Variants in SCAPER observed in about 807,000 individuals in gnomAD.
The protein encoded by SCAPER is S phase cyclin A-associated protein in the endoplasmic reticulum.
SCAPER carries 98 observed loss-of-function variants against 182.2 expected under a neutral mutation model. The ratio of observed to expected loss-of-function variants is 0.54; its 90% CI spans 0.46 to 0.64. SCAPER has a LOEUF of 0.64. SCAPER is among the 30% of genes least tolerant of loss of function. The probability of loss-of-function intolerance (pLI) is 0.00; values close to 1 mark genes in which losing one functional copy is unlikely to be tolerated. For missense variants in SCAPER, 1,432 were observed against 1,690.0 expected, an observed-to-expected ratio of 0.85 and a Z score of 2.68; for synonymous variants, 605 against 564.6, an observed-to-expected ratio of 1.07 and a Z score of -1.01.
chr15:76,735,464 G>A (rs779917397), intron 15 of SCAPER, among the ~76,000 whole-genome samples: 6 of 151,970 alleles, frequency 3.9e-5, no homozygotes, highest in African/African-American at 9.7e-5. Context: ...TTGGGAGGCC[G>A]AGACAGGCAG....
Position 76,354,299 on chromosome 15 carries a change from A to G in SCAPER, c.3856-159T>C, listed in dbSNP as rs2040809358. Reference sequence around the variant, plus strand: ...AGAGCTTAATTTAAGTGATACTTGAAAAGAGCAGAAAAAAAAAATCTCATT... The same window carrying G: ...AGAGCTTAATTTAAGTGATACTTGAGAAGAGCAGAAAAAAAAAATCTCATT... On this transcript the variant is annotated intron_variant, in intron 29 of 31. Coordinates refer to ENST00000563290, the MANE Select transcript of SCAPER (RefSeq NM_020843.4). The surrounding 1 kb of genome is among the most constrained non-coding windows in gnomAD (Gnocchi z 4.4). 1 of 535,664 alleles carries G rather than the reference A, an allele frequency of 1.9e-6. No homozygotes were observed. Among genetic ancestry groups the G allele is most frequent in the African/African-American group, 2.0e-5 (1 of 50,044 alleles). The allele number at this position is 535,664 out of a possible 1,614,324, so 33.2% of individuals were successfully genotyped here.
chr15:76,819,756 G>C (rs1232595876), intron 5 of SCAPER, among the ~76,000 whole-genome samples: 2 of 152,166 alleles, frequency 1.3e-5, no homozygotes, highest in Admixed American at 6.5e-5. Flanking sequence ...CCAGTTGAGA[G>C]AGGAAGGCTT....
intron 21 of SCAPER, among the ~76,000 whole-genome samples, chr15:76,623,011 T>C (rs1458082976): frequency 6.6e-6 from 1 of 152,180 alleles, no homozygotes; most frequent in African/African-American, 2.4e-5. Flanking sequence ...CCTCACCCCG[T>C]GAGCATTTTT....
At chr15:76,760,231 C>G (rs187188884) in intron 14 of SCAPER, among the ~76,000 whole-genome samples, 1 of 152,154 alleles carries the variant, frequency 6.6e-6, no homozygotes, top group Non-Finnish European at 1.5e-5. Flanking sequence ...AAGTTCTGAC[C>G]CATACTTCTG....
intron 29 of SCAPER, among the ~76,000 whole-genome samples, chr15:76,361,040 A>G (rs2041376914): frequency 1.3e-5 from 2 of 151,698 alleles, no homozygotes; most frequent in Admixed American, 6.6e-5. Flanking sequence ...AAAAAAAAGG[A>G]AAGTGGAGGT....
chr15:76,649,911 T>G (rs10152247), intron 21 of SCAPER, among the ~76,000 whole-genome samples: 51,289 of 151,840 alleles, frequency 0.34, 8,913 homozygotes, highest in East Asian at 0.55. Context: ...CACATAAAAA[T>G]TCAGAACTAC....
chr15:76,765,730 G>T, intron 11 of SCAPER, 92 bp from the exon 12 acceptor site: 1 of 1,032,498 alleles, frequency 9.7e-7, no homozygotes, highest in Non-Finnish European at 1.5e-6. Context: ...CCTACCTATT[G>T]TTAATATATT....
At chr15:76,734,716 T>C (rs1416413210) in intron 15 of SCAPER, among the ~76,000 whole-genome samples, 1 of 151,800 alleles carries the variant, frequency 6.6e-6, no homozygotes, top group Non-Finnish European at 1.5e-5. Flanking sequence ...CTCTACTAAA[T>C]ATACAAAAAT....
chr15:76,482,450 T>TC (rs1373115966), intron 24 of SCAPER, among the ~76,000 whole-genome samples: 1 of 152,064 alleles, frequency 6.6e-6, no homozygotes, highest in Admixed American at 6.6e-5. Flanking sequence ...ACCAGATCTT[T>TC]CCCCCCAAGA....
intron 25 of SCAPER, among the ~76,000 whole-genome samples, chr15:76,453,009 ATGTT>A (rs991260759): frequency 1.3e-5 from 2 of 152,052 alleles, no homozygotes; most frequent in Non-Finnish European, 2.9e-5. Flanking sequence ...TTTTTAAAAA[ATGTT>A]TGTAGTGATG....
At chr15:76,439,430 T>A (rs2142633958) in intron 25 of SCAPER, among the ~76,000 whole-genome samples, 1 of 152,366 alleles carries the variant, frequency 6.6e-6, no homozygotes, top group African/African-American at 2.4e-5. Context: ...TTCAAAGCAG[T>A]ATACTGCACT....
Position 76,373,204 on chromosome 15 carries a change from C to T in SCAPER, c.3855+2958G>A, listed in dbSNP as rs146933440. ...CTGGGATTTCAGGCGCCTGCCATCA[C>T]GCCCAGCTAATTTCTGTATTTTTAG... On this transcript the variant is annotated intron_variant, in intron 29 of 31. Coordinates refer to ENST00000563290, the MANE Select transcript of SCAPER (RefSeq NM_020843.4). Among the ~76,000 whole-genome samples the T allele has an allele frequency of 2.7e-3, 414 of 152,078 alleles. 1 individual carries two copies. Among genetic ancestry groups the T allele is most frequent in the Non-Finnish European group, 4.9e-3 (333 of 67,962 alleles).
intron 4 of SCAPER, among the ~76,000 whole-genome samples, chr15:76,853,302 A>G (rs2070966298): frequency 6.6e-6 from 1 of 152,176 alleles, no homozygotes; most frequent in South Asian, 2.1e-4. Context: ...AATTGAGGAG[A>G]AAGAACTCCT....
At chr15:76,567,396 C>T in intron 23 of SCAPER, 1 of 449,660 alleles carries the variant, frequency 2.2e-6, no homozygotes, top group South Asian at 1.6e-5. Flanking sequence ...GCTTTCCATA[C>T]AGTATATACC....
intron 26 of SCAPER, among the ~76,000 whole-genome samples, chr15:76,424,090 T>C (rs2046246781): frequency 6.6e-6 from 1 of 152,232 alleles, no homozygotes; most frequent in African/African-American, 2.4e-5. Flanking sequence ...GAAGAATGTA[T>C]ATTCTGTTGA....
At position 76,832,258 on chromosome 15, in the gene SCAPER, A is replaced by G. The variant is rs542871478; in HGVS notation, c.393+9476T>C. Among the ~76,000 whole-genome samples the G allele has an allele frequency of 1.1e-4, 16 of 152,356 alleles. 1 individual carries two copies. The South Asian group carries it at 3.1e-3, about 30-fold the overall frequency. Reference sequence around the variant, plus strand: ...ACAGTGACACTATCTATGAGTTGAAATACAACATAGCCATTTTAAGAAAGA... The same window carrying G: ...ACAGTGACACTATCTATGAGTTGAAGTACAACATAGCCATTTTAAGAAAGA... On this transcript the variant is annotated intron_variant, in intron 5 of 31. Coordinates refer to ENST00000563290, the MANE Select transcript of SCAPER (RefSeq NM_020843.4).
At position 76,857,688 on chromosome 15, in the gene SCAPER, C is replaced by T. The variant is rs184204214; in HGVS notation, c.195+121G>A. 1.5e-4 allele frequency: 98 copies of T among 663,620 alleles called. No homozygotes were observed. The East Asian group carries it at 2.8e-3, about 19-fold the overall frequency. The allele number at this position is 663,620 out of a possible 1,614,324, so 41.1% of individuals were successfully genotyped here. On this transcript the variant is annotated intron_variant, in intron 4 of 31. Transcript: ENST00000563290. ...TATACACATTTGTTTTTAAAAAGTA[C>T]ATTAAATTTTTATTTAGATAAATAA...
At chr15:76,682,079 G>T (rs930666912) in intron 20 of SCAPER, among the ~76,000 whole-genome samples, 6 of 152,146 alleles carry the variant, frequency 3.9e-5, no homozygotes, top group African/African-American at 1.2e-4. Flanking sequence ...TGCCGCTGGG[G>T]CTCTTCATAT....
intron 2 of SCAPER, among the ~76,000 whole-genome samples, chr15:76,863,616 AAAT>A (rs1425102342): frequency 1.3e-5 from 2 of 152,328 alleles, no homozygotes; most frequent in Non-Finnish European, 2.9e-5. Context: ...TAAGAGTAAA[AAAT>A]AATATATGAA....
Sources: allele counts gnomAD v4.1 joint callset (sites outside exome capture counted in the v4.1 genomes callset), GRCh38; gene constraint gnomAD v4.1.1; non-coding constraint Gnocchi (gnomAD v3.1); transcripts MANE v1.5; gene names NCBI Gene and HGNC (gene_info 2026-07-23, HGNC 2026-07-21).